Variants in MLXIPL observed in about 807,000 individuals in gnomAD.
MLXIPL encodes MLX interacting protein like.
In MLXIPL, 49 loss-of-function variants were observed where a neutral mutation model predicts 81.5. The ratio of observed to expected loss-of-function variants is 0.60; its 90% CI spans 0.48 to 0.76. The LOEUF (loss-of-function observed/expected upper bound fraction) is 0.76, where lower values mean the gene tolerates loss of function less well. Among genes scored for constraint, MLXIPL ranks in the 30% least tolerant of loss-of-function variants. The pLI is 0.00. For synonymous variants in MLXIPL, 466 were observed against 485.5 expected, an observed-to-expected ratio of 0.96 and a Z score of 0.53; for missense variants, 1,053 against 1,167.0, an observed-to-expected ratio of 0.90 and a Z score of 1.42.
chr7:73,597,365 G>A lies in MLXIPL; in HGVS notation c.1420C>T (p.Leu474Phe). Reference protein sequence around the residue: ...SPAPTPFPIELLPLGYSEPAF... With the variant: ...SPAPTPFPIEFLPLGYSEPAF... ...GGCTCCGAATACCCCAAGGGTAGAA[G>A]CTCTATGGGGAAGGGGGTGGGGGCT... The change falls in exon 9 of 17, where the codon CTT becomes TTT. Residue 474 changes from leucine to phenylalanine, a missense_variant. Physicochemically the swap from Leu to Phe is conservative, Grantham distance 22. This residue lies in a region of MLXIPL where 823 missense variants were observed against 933.0 expected (regional missense o/e 0.88). Coordinates refer to ENST00000313375, the MANE Select transcript of MLXIPL (RefSeq NM_032951.3). 2 of 1,457,116 alleles carry A rather than the reference G, an allele frequency of 1.4e-6. No individual in the cohort carries two copies. The highest frequency in any genetic ancestry group is 1.4e-5 in the South Asian group (1 of 70,230). The allele number at this position is 1,457,116 out of a possible 1,614,324, so 90.3% of individuals were successfully genotyped here.
chr7:73,597,280 C>A lies in MLXIPL; in HGVS notation c.1505G>T (p.Gly502Val), dbSNP rs1794412799. The A allele has an allele frequency of 1.3e-6, 2 of 1,580,926 alleles. No individual in the cohort carries two copies. Among genetic ancestry groups the A allele is most frequent in the African/African-American group, 2.7e-5 (2 of 74,392 alleles). The change falls in exon 9 of 17, where the codon GGA becomes GTA. Residue 502 changes from glycine (G) to valine (V), a missense_variant. Coordinates refer to ENST00000313375, the MANE Select transcript of MLXIPL (RefSeq NM_032951.3). Reference protein sequence around the residue: ...RGKPPAPSPRGQKASPPTLAP... With the variant: ...RGKPPAPSPRVQKASPPTLAP... The stretch of plus-strand genomic sequence containing the variant: ...TAAGGTAGGGGGGCTGGCTTTCTGT[C>A]CCCTAGGGGATGGGGCGGGGGGCTT...
At chr7:73,606,262 T>C in intron 5 of MLXIPL, 151 bp from the exon 6 acceptor site, 1 of 803,162 alleles carries the variant, frequency 1.2e-6, no homozygotes, top group African/African-American at 1.7e-5. Flanking sequence ...AGCTTGCTGC[T>C]TGAAAGGCCA....
chr7:73,593,981 C>T lies in MLXIPL; in HGVS notation c.2443G>A (p.Val815Ile), dbSNP rs1423219728. 5 of 1,612,876 alleles carry T rather than the reference C, an allele frequency of 3.1e-6. No individual in the cohort carries two copies. Among genetic ancestry groups the T allele is most frequent in the Non-Finnish European group, 4.2e-6 (5 of 1,178,968 alleles). The change falls in exon 17 of 17, where the codon GTC becomes ATC. Residue 815 changes from valine (V) to isoleucine (I), a missense_variant and splice_region_variant. Val to Ile is a conservative substitution (Grantham distance 29, BLOSUM62 3). Coordinates refer to ENST00000313375, the MANE Select transcript of MLXIPL (RefSeq NM_032951.3). ...CCCAGCTGGCGTAGGGAGTTCAGGA[C>T]AGCTGGGTGGGAGACAGAGAGAGAG... Reference protein sequence around the residue: ...YCSLPALRPTVLNSLRQLGTS... With the variant: ...YCSLPALRPTILNSLRQLGTS...
chr7:73,599,842 T>C, intron 7 of MLXIPL, 147 bp from the exon 8 acceptor site: 2 of 741,290 alleles, frequency 2.7e-6, no homozygotes, highest in African/African-American at 1.8e-5. Flanking sequence ...CCACAGAAGA[T>C]TGTGAAACTG....
the MLXIPL span, among the ~76,000 whole-genome samples, chr7:73,632,731 ATTCCTTCCTTCTTTCCTTCC>A: frequency 2.1e-5 from 3 of 143,582 alleles, no homozygotes; most frequent in Admixed American, 2.1e-4. Flanking sequence ...TTTCCCTTTC[ATTCCTTCCTTCTTTCCTTCC>A]TTCCTTCCTT....
rs1554593597 is a variant in MLXIPL at position 73,595,987 on chromosome 7, G to A, written c.2059-18C>T. 1 of 1,611,930 alleles carries A rather than the reference G, an allele frequency of 6.2e-7. No homozygotes were observed. The stretch of plus-strand genomic sequence containing the variant: ...TTGCTCACCTGCAGACGCCACCAGG[G>A]GGGCTCAGGCAGGTGCTAGAGGCTG... On this transcript the variant is annotated intron_variant, in intron 13 of 16. Transcript: ENST00000313375.
intron 2 of MLXIPL, among the ~76,000 whole-genome samples, chr7:73,607,963 T>C (rs1196668264): frequency 6.6e-6 from 1 of 150,512 alleles, no homozygotes; most frequent in Non-Finnish European, 1.5e-5. Context: ...TTCAAGCGAT[T>C]CTCCTGCCTC....
rs1282260243 is a variant in MLXIPL at position 73,623,170 on chromosome 7, C to A, written c.293+1030G>T. 1.3e-5 allele frequency among the ~76,000 whole-genome samples: 2 copies of A among 152,216 alleles called. No homozygotes were observed. The highest frequency in any genetic ancestry group is 4.8e-5 in the African/African-American group (2 of 41,454). On this transcript the variant is annotated intron_variant, in intron 1 of 16. Coordinates refer to ENST00000313375, the MANE Select transcript of MLXIPL (RefSeq NM_032951.3). The surrounding 1 kb of genome is among the most constrained non-coding windows in gnomAD (Gnocchi z 5.7). ...GGTTGGGGGCAGGCAACACTCCCCT[C>A]ACAGTCCCCACCCCAGCTCCTGCTC...
the MLXIPL span, among the ~76,000 whole-genome samples, chr7:73,632,772 TTCCTTCCTTCCTTCCTTCCTTCCTTCC>T: frequency 1.1e-5 from 1 of 90,154 alleles, no homozygotes; most frequent in Middle Eastern, 6.1e-3. Context: ...CCTTCCTTCC[TTCCTTCCTTCCTTCCTTCCTTCCTTCC>T]GACGGAGTCT....
At chr7:73,619,726 C>T (rs549928645) in intron 1 of MLXIPL, among the ~76,000 whole-genome samples, 3 of 151,342 alleles carry the variant, frequency 2.0e-5, no homozygotes, top group African/African-American at 7.3e-5. Flanking sequence ...GTCAGGAGAT[C>T]GAGACCATCC....
chr7:73,631,011 C>CTT, the MLXIPL span, among the ~76,000 whole-genome samples: 8 of 144,188 alleles, frequency 5.5e-5, no homozygotes, highest in East Asian at 6.1e-4. Flanking sequence ...CTAGGGAATA[C>CTT]TTTTTTTTTT....
At chr7:73,646,424 A>G in the MLXIPL span, among the ~76,000 whole-genome samples, 1 of 152,112 alleles carries the variant, frequency 6.6e-6, no homozygotes, top group African/African-American at 2.4e-5. Flanking sequence ...GAGGATTTCA[A>G]TCACAGGATT....
the MLXIPL span, among the ~76,000 whole-genome samples, chr7:73,645,133 C>T: frequency 3.9e-5 from 6 of 152,016 alleles, no homozygotes; most frequent in Admixed American, 1.3e-4. Context: ...CTCAAGTGAT[C>T]GTCCTGTGTC....
At chr7:73,617,298 T>C (rs1208943523) in intron 1 of MLXIPL, among the ~76,000 whole-genome samples, 6 of 151,926 alleles carry the variant, frequency 3.9e-5, no homozygotes, top group African/African-American at 1.2e-4. Context: ...GGATTACAGA[T>C]GTGAGCCACC....
intron 1 of MLXIPL, among the ~76,000 whole-genome samples, chr7:73,617,278 C>T (rs1796062388): frequency 6.6e-6 from 1 of 152,042 alleles, no homozygotes; most frequent in Non-Finnish European, 1.5e-5. Flanking sequence ...CTTGGCCTCC[C>T]AAAGTGCTGG....
the MLXIPL span, among the ~76,000 whole-genome samples, chr7:73,646,896 C>T: frequency 6.6e-6 from 1 of 152,142 alleles, no homozygotes. Context: ...ACTCAGCTGA[C>T]CCTGTAACAC....
At chr7:73,620,417 AAACAAC>A (rs1198121862) in intron 1 of MLXIPL, among the ~76,000 whole-genome samples, 5 of 151,322 alleles carry the variant, frequency 3.3e-5, no homozygotes, top group East Asian at 3.9e-4. Context: ...AACAAACAAA[AAACAAC>A]AACAACAACA....
At chr7:73,643,384 G>A in the MLXIPL span, among the ~76,000 whole-genome samples, 1 of 152,064 alleles carries the variant, frequency 6.6e-6, no homozygotes, top group Non-Finnish European at 1.5e-5. Context: ...CATGGTGGCG[G>A]GTGCCTGTAG....
At chr7:73,612,702 C>A (rs1354884231) in intron 2 of MLXIPL, among the ~76,000 whole-genome samples, 2 of 151,890 alleles carry the variant, frequency 1.3e-5, no homozygotes. Context: ...AGTGAAGCCC[C>A]CCTCCCCAGC....
Sources: allele counts gnomAD v4.1 joint callset (sites outside exome capture counted in the v4.1 genomes callset), GRCh38; gene constraint gnomAD v4.1.1; regional missense constraint gnomAD v4.1.1; non-coding constraint Gnocchi (gnomAD v3.1); transcripts MANE v1.5; gene names NCBI Gene and HGNC (gene_info 2026-07-23, HGNC 2026-07-21).